SFMBT1: variants seen among roughly 807,000 people sequenced by gnomAD.
SFMBT1 encodes scm-like with four MBT domains protein 1.
Under a neutral mutation model 108.7 loss-of-function variants are expected in SFMBT1, and 32 were observed. The observed-to-expected ratio is 0.29, with a 90% CI of 0.22 to 0.40. SFMBT1 has a LOEUF of 0.40. Ranked by LOEUF, SFMBT1 falls within the 10% of genes least tolerant of loss-of-function variation. The probability of loss-of-function intolerance (pLI) is 1.00; values close to 1 mark genes in which losing one functional copy is unlikely to be tolerated. For synonymous variants in SFMBT1, 348 were observed against 369.5 expected, an observed-to-expected ratio of 0.94 and a Z score of 0.67; for missense variants, 816 against 1,059.6, an observed-to-expected ratio of 0.77 and a Z score of 3.19.
intron 3 of SFMBT1, among the ~76,000 whole-genome samples, chr3:52,945,977 C>G (rs1186345755): frequency 3.9e-5 from 6 of 152,138 alleles, no homozygotes; most frequent in African/African-American, 9.7e-5. Flanking sequence ...GTGAAAAAAT[C>G]TGGCAGATGC....
At position 52,995,534 on chromosome 3, in the gene SFMBT1, G is replaced by A. The variant is rs1698293461; in HGVS notation, c.-130-26276C>T. Among the ~76,000 whole-genome samples, 3 of 149,934 alleles carry A rather than the reference G, an allele frequency of 2.0e-5. No homozygotes were observed. In the South Asian group the frequency reaches 6.3e-4, roughly 32 times the overall value. On this transcript the variant is annotated intron_variant, in intron 1 of 20. Transcript: ENST00000394752. ...GCCTACCAAGTAGCTAGGACTACAGGCATATGCCACCATGCCTTGCTAACT... is the reference window on the plus strand; with the variant it reads ...GCCTACCAAGTAGCTAGGACTACAGACATATGCCACCATGCCTTGCTAACT...
intron 1 of SFMBT1, among the ~76,000 whole-genome samples, chr3:53,021,183 T>A (rs1333751365): frequency 6.6e-6 from 1 of 152,222 alleles, no homozygotes. Flanking sequence ...CTCAGTACAT[T>A]TCTAACGAAA....
chr3:52,940,901 G>T (rs934247325), intron 4 of SFMBT1, among the ~76,000 whole-genome samples: 2 of 152,112 alleles, frequency 1.3e-5, no homozygotes, highest in Non-Finnish European at 2.9e-5. Flanking sequence ...GCACTGGAAG[G>T]GCACAGCTTT....
intron 1 of SFMBT1, among the ~76,000 whole-genome samples, chr3:53,008,355 T>C (rs1698821153): frequency 6.6e-6 from 1 of 152,304 alleles, no homozygotes; most frequent in Non-Finnish European, 1.5e-5. Flanking sequence ...TTGTAACTAT[T>C]CTGTTTTGGG....
chr3:52,918,855 A>G (rs1235382469), intron 12 of SFMBT1, among the ~76,000 whole-genome samples: 7 of 152,198 alleles, frequency 4.6e-5, no homozygotes, highest in South Asian at 4.2e-4. Flanking sequence ...GTGGTCCCCA[A>G]CCTTTTTGGC....
intron 4 of SFMBT1, among the ~76,000 whole-genome samples, chr3:52,935,516 T>C (rs992535968): frequency 1.3e-5 from 2 of 152,210 alleles, no homozygotes; most frequent in African/African-American, 4.8e-5. Context: ...GCCTGGCTTA[T>C]ACCCTCACAC....
intron 1 of SFMBT1, among the ~76,000 whole-genome samples, chr3:53,021,598 A>ATTTTC (rs1467089825): frequency 6.6e-6 from 1 of 152,210 alleles, no homozygotes; most frequent in Non-Finnish European, 1.5e-5. Flanking sequence ...GGTTGCTAAC[A>ATTTTC]GTGTCTCCAT....
At chr3:53,041,421 G>C (rs768359435) in intron 1 of SFMBT1, among the ~76,000 whole-genome samples, 1 of 152,044 alleles carries the variant, frequency 6.6e-6, no homozygotes, top group Non-Finnish European at 1.5e-5. Flanking sequence ...TTTTCCGCGA[G>C]GCGCGGGGGC....
intron 1 of SFMBT1, among the ~76,000 whole-genome samples, chr3:52,989,784 C>T (rs1226225015): frequency 7.6e-6 from 1 of 131,594 alleles, no homozygotes. Flanking sequence ...CAGAGCTAGA[C>T]TCCATCTCAA....
chr3:52,918,218 ATT>A (rs770323771), intron 13 of SFMBT1, among the ~76,000 whole-genome samples: 151 of 152,242 alleles, frequency 9.9e-4, no homozygotes, highest in South Asian at 5.2e-3. Context: ...GGGCACTCTT[ATT>A]TTCTTTCTTT....
chr3:52,983,337 T>C (rs1408023487), intron 1 of SFMBT1, among the ~76,000 whole-genome samples: 1 of 152,238 alleles, frequency 6.6e-6, no homozygotes, highest in East Asian at 1.9e-4. Context: ...GAAAACAGTA[T>C]GTAATATATA....
intron 1 of SFMBT1, among the ~76,000 whole-genome samples, chr3:53,011,911 A>G (rs1698957315): frequency 2.0e-5 from 3 of 152,202 alleles, no homozygotes; most frequent in African/African-American, 4.8e-5. Flanking sequence ...TAGGTTTGCA[A>G]GTCAACTGGC....
In SFMBT1 at chr3:52,934,800, T is replaced by C. The variant is rs1325298046; in HGVS notation, c.453+13A>G. The C allele has an allele frequency of 1.9e-6, 3 of 1,604,996 alleles. No individual in the cohort carries two copies. Among genetic ancestry groups the C allele is most frequent in the Non-Finnish European group, 2.6e-6 (3 of 1,173,472 alleles). ...GGGTTTTCCATGCTGATGTGGCATG[T>C]AGTAATACTCACGCCCTCTAGCAGC... On this transcript the variant is annotated intron_variant, in intron 5 of 20. Coordinates refer to ENST00000394752, the MANE Select transcript of SFMBT1 (RefSeq NM_016329.4).
At chr3:53,005,739 A>G (rs1439031219) in intron 1 of SFMBT1, among the ~76,000 whole-genome samples, 1 of 152,246 alleles carries the variant, frequency 6.6e-6, no homozygotes, top group Non-Finnish European at 1.5e-5. Context: ...TGGCTGGGGT[A>G]CTTTTTCTCC....
rs751814389 is a variant in SFMBT1 at position 52,928,276 on chromosome 3, T to A, written c.963A>T (p.Arg321=). 6.2e-7 allele frequency: 1 copy of A among 1,613,918 alleles called. No homozygotes were observed. The highest frequency in any genetic ancestry group is 1.3e-5 in the African/African-American group (1 of 74,866). The change falls in exon 9 of 21, where the codon CGA becomes CGT. Residue 321 remains arginine, a synonymous_variant. Transcript: ENST00000394752. ...DDLRPENHAR[R]SFVCHADSPG... is the part of the protein sequence containing the mutation. ...GACTGTCGGCGTGGCACACAAAGGA[T>A]CGCCGTGCGTGGTTCTCAGGACGCA...
In SFMBT1 at chr3:52,906,209, G is replaced by A; in HGVS notation, c.2364C>T (p.His788=). ...TCCACTTCAAGGGGTTACTGTCCAG[G>A]TGAAGCCTTTCAGCAACTTCGATCC... ...EIRIEVAERL[H]LDSNPLKWSV... Residue 788 remains histidine (H), a synonymous_variant, in exon 20 of 21, where the codon CAC becomes CAT. Coordinates refer to ENST00000394752, the MANE Select transcript of SFMBT1 (RefSeq NM_016329.4). 6.2e-7 allele frequency: 1 copy of A among 1,614,102 alleles called. No homozygotes were observed. Among genetic ancestry groups the A allele is most frequent in the East Asian group, 2.2e-5 (1 of 44,878 alleles).
At chr3:52,905,376 C>T in intron 20 of SFMBT1, 100 bp from the exon 21 acceptor site, 1 of 1,206,284 alleles carries the variant, frequency 8.3e-7, no homozygotes, top group Non-Finnish European at 1.1e-6. Context: ...AACTGGAATC[C>T]CTATGCTTTC....
chr3:52,907,787 C>G, intron 17 of SFMBT1, 54 bp from the exon 18 acceptor site: 1 of 1,496,214 alleles, frequency 6.7e-7, no homozygotes, highest in Non-Finnish European at 9.1e-7. Flanking sequence ...TTGTGTACCT[C>G]AAAACCACAA....
chr3:52,975,605 T>TTTTG (rs890795825), intron 1 of SFMBT1, among the ~76,000 whole-genome samples: 3 of 152,076 alleles, frequency 2.0e-5, no homozygotes, highest in Non-Finnish European at 4.4e-5. Context: ...CTGAGAATTT[T>TTTTG]TTTGTTTGTT....
Sources: allele counts gnomAD v4.1 joint callset (sites outside exome capture counted in the v4.1 genomes callset), GRCh38; gene constraint gnomAD v4.1.1; transcripts MANE v1.5; gene names NCBI Gene and HGNC (gene_info 2026-07-23, HGNC 2026-07-21).